The following KCNT2 variants were observed in gnomAD, a reference collection of about 807,000 sequenced individuals.
KCNT2 encodes the protein potassium sodium-activated channel subfamily T member 2, also known as potassium channel subfamily T member 2.
In KCNT2, 67 loss-of-function variants were observed where a neutral mutation model predicts 153.8. The ratio of observed to expected loss-of-function variants is 0.44; its 90% CI spans 0.36 to 0.53. The LOEUF is 0.53. KCNT2 is among the 20% of genes least tolerant of loss of function. KCNT2 has a pLI of 0.00. For synonymous variants in KCNT2, 500 were observed against 458.8 expected, an observed-to-expected ratio of 1.09 and a Z score of -1.15; for missense variants, 975 against 1,354.8, an observed-to-expected ratio of 0.72 and a Z score of 4.40.
At chr1:196,247,627 C>T (rs1300665117) in intron 26 of KCNT2, among the ~76,000 whole-genome samples, 2 of 152,058 alleles carry the variant, frequency 1.3e-5, no homozygotes, top group Non-Finnish European at 2.9e-5. Flanking sequence ...AGGAGAAGTG[C>T]TGAGCAAAAG....
chr1:196,300,793 C>T (rs1179386949), intron 22 of KCNT2, among the ~76,000 whole-genome samples: 2 of 152,086 alleles, frequency 1.3e-5, no homozygotes, highest in African/African-American at 2.4e-5. Context: ...TCTTTTGTTA[C>T]AGGGACCTCT....
At chr1:196,339,097 G>A (rs966333747) in intron 16 of KCNT2, among the ~76,000 whole-genome samples, 5 of 151,884 alleles carry the variant, frequency 3.3e-5, no homozygotes, top group African/African-American at 4.8e-5. Context: ...GACAGTTCGC[G>A]TTGCTGTAAA....
chr1:196,343,842 C>T (rs1041386041), intron 14 of KCNT2, among the ~76,000 whole-genome samples: 1 of 152,176 alleles, frequency 6.6e-6, no homozygotes, highest in Admixed American at 6.5e-5. Context: ...AGCAATGGCA[C>T]GATCTCAGCT....
Position 196,226,877 on chromosome 1 carries a change from T to C in KCNT2, c.*1347A>G, listed in dbSNP as rs1204828631. ...AAAAATACAAAATTAGAACAGTATG[T>C]ATTTAAATTTACCAATGTTTCTTTT... On this transcript the variant is annotated 3_prime_UTR_variant, in exon 28 of 28. Coordinates refer to ENST00000294725, the MANE Select transcript of KCNT2 (RefSeq NM_198503.5). 1 of 152,018 alleles carries C rather than the reference T, an allele frequency of 6.6e-6. No homozygotes were observed. Among genetic ancestry groups the C allele is most frequent in the African/African-American group, 2.4e-5 (1 of 41,452 alleles). The allele number at this position is 152,018 out of a possible 1,614,324, so 9.4% of individuals were successfully genotyped here. A position where few individuals can be genotyped will look rare whatever the true frequency, so the allele number is the denominator to read the frequency against.
intron 1 of KCNT2, among the ~76,000 whole-genome samples, chr1:196,515,459 T>C (rs765137839): frequency 6.6e-6 from 1 of 152,182 alleles, no homozygotes; most frequent in Non-Finnish European, 1.5e-5. Context: ...TCATAAAAAT[T>C]AGCAAGCATT....
chr1:196,358,104 G>C (rs1667320894), intron 14 of KCNT2, among the ~76,000 whole-genome samples: 1 of 151,230 alleles, frequency 6.6e-6, no homozygotes, highest in Admixed American at 6.6e-5. Flanking sequence ...TCTCTTGGTG[G>C]AGCTGCTACC....
At chr1:196,478,572 C>T (rs979999944) in intron 5 of KCNT2, among the ~76,000 whole-genome samples, 24 of 152,020 alleles carry the variant, frequency 1.6e-4, no homozygotes, top group African/African-American at 5.8e-4. Context: ...CTACTGTTTC[C>T]TTTTCATTCC....
intron 21 of KCNT2, 97 bp downstream of exon 21, chr1:196,315,795 G>T: frequency 1.0e-6 from 1 of 994,326 alleles, no homozygotes; most frequent in Non-Finnish European, 1.4e-6. Flanking sequence ...CATAAAGTTG[G>T]TGTGTCTCAT....
At chr1:196,402,575 A>T (rs1489355127) in intron 12 of KCNT2, among the ~76,000 whole-genome samples, 1 of 151,650 alleles carries the variant, frequency 6.6e-6, no homozygotes, top group Non-Finnish European at 1.5e-5. Flanking sequence ...TGCTTTACAA[A>T]ATCAAATAAT....
At chr1:196,436,359 G>A (rs950361320) in intron 8 of KCNT2, among the ~76,000 whole-genome samples, 19 of 151,540 alleles carry the variant, frequency 1.3e-4, no homozygotes, top group African/African-American at 4.6e-4. Context: ...TAGGAAGGAA[G>A]AGAAGAAAGT....
intron 8 of KCNT2, among the ~76,000 whole-genome samples, chr1:196,459,349 T>C (rs1268452166): frequency 6.6e-6 from 1 of 151,370 alleles, no homozygotes; most frequent in African/African-American, 2.4e-5. Context: ...AATTAACAGA[T>C]TTTCAGGAGA....
intron 12 of KCNT2, among the ~76,000 whole-genome samples, chr1:196,405,165 T>C (rs1671726549): frequency 7.3e-6 from 1 of 136,720 alleles, no homozygotes; most frequent in Admixed American, 7.2e-5. Flanking sequence ...TTTCACTTCA[T>C]TTTTTTTTTT....
chr1:196,487,409 A>AGT (rs56943556), intron 3 of KCNT2, among the ~76,000 whole-genome samples: 2,558 of 146,514 alleles, frequency 0.017, 37 homozygotes, highest in African/African-American at 0.041. Flanking sequence ...CATGTTATGG[A>AGT]GTGTGTGTGT....
At position 196,350,051 on chromosome 1, in the gene KCNT2, G is replaced by A. The variant is rs184558489; in HGVS notation, c.1404-7823C>T. Among the ~76,000 whole-genome samples, 49 of 152,146 alleles carry A rather than the reference G, an allele frequency of 3.2e-4. No homozygotes were observed. In the East Asian group the frequency reaches 9.5e-3, roughly 29 times the overall value. ...AGAACATGAACTCATCATTTTTATG[G>A]CTGCATAGTATTCCATGGTGTATAT... On this transcript the variant is annotated intron_variant, in intron 14 of 27. Transcript: ENST00000294725.
intron 1 of KCNT2, among the ~76,000 whole-genome samples, chr1:196,535,340 G>A (rs943846112): frequency 3.3e-5 from 5 of 152,156 alleles, no homozygotes; most frequent in African/African-American, 1.2e-4. Context: ...CATTGTAAAA[G>A]TGTTTGTCAT....
At chr1:196,533,834 A>T (rs1655234405) in intron 1 of KCNT2, among the ~76,000 whole-genome samples, 1 of 152,142 alleles carries the variant, frequency 6.6e-6, no homozygotes, top group Admixed American at 6.6e-5. Context: ...TTACTTACAC[A>T]TTGGAATAAG....
At chr1:196,479,265 G>A (rs776529930) in intron 4 of KCNT2, 27 bp from the exon 5 acceptor site, 7 of 1,325,452 alleles carry the variant, frequency 5.3e-6, no homozygotes, top group Non-Finnish European at 7.5e-6. Context: ...AACTTAATGA[G>A]AAAACGCAAT....
intron 21 of KCNT2, among the ~76,000 whole-genome samples, chr1:196,309,011 T>C (rs1041596411): frequency 3.3e-5 from 5 of 151,856 alleles, no homozygotes; most frequent in African/African-American, 1.2e-4. Flanking sequence ...CACTATAATA[T>C]AATAGATGAA....
intron 12 of KCNT2, among the ~76,000 whole-genome samples, chr1:196,411,916 T>C (rs542768564): frequency 6.6e-6 from 1 of 151,938 alleles, no homozygotes; most frequent in Non-Finnish European, 1.5e-5. Flanking sequence ...TACATGATTT[T>C]TCTGAGTATA....
Sources: allele counts gnomAD v4.1 joint callset (sites outside exome capture counted in the v4.1 genomes callset), GRCh38; gene constraint gnomAD v4.1.1; transcripts MANE v1.5; gene names NCBI Gene and HGNC (gene_info 2026-07-23, HGNC 2026-07-21).